DDX4: variants seen among roughly 807,000 people sequenced by gnomAD.
The protein encoded by DDX4 is probable ATP-dependent RNA helicase DDX4.
Under a neutral mutation model 100.0 loss-of-function variants are expected in DDX4, and 25 were observed. The ratio of observed to expected loss-of-function variants is 0.25; its 90% CI spans 0.18 to 0.35. The LOEUF is 0.35. Ranked by LOEUF, DDX4 falls within the 10% of genes least tolerant of loss-of-function variation. The probability of loss-of-function intolerance (pLI) is 1.00; values close to 1 mark genes in which losing one functional copy is unlikely to be tolerated. For missense variants in DDX4, 635 were observed against 882.4 expected (o/e 0.72, Z 3.55); for synonymous variants, 259 against 275.7 (o/e 0.94, Z 0.60).
intron 18 of DDX4, among the ~76,000 whole-genome samples, chr5:55,808,624 G>A (rs1743907894): frequency 6.6e-6 from 1 of 152,234 alleles, no homozygotes; most frequent in Non-Finnish European, 1.5e-5. Flanking sequence ...GGAGGCTGCA[G>A]AACAGCAGAT....
At chr5:55,797,636 G>A (rs1219504774) in intron 17 of DDX4, among the ~76,000 whole-genome samples, 1 of 152,128 alleles carries the variant, frequency 6.6e-6, no homozygotes, top group African/African-American at 2.4e-5. Flanking sequence ...TACATAGGAG[G>A]GAGAGGCATT....
chr5:55,774,230 C>T (rs907784826), intron 7 of DDX4, among the ~76,000 whole-genome samples: 1 of 151,650 alleles, frequency 6.6e-6, no homozygotes, highest in Non-Finnish European at 1.5e-5. Context: ...TGGTTCATGA[C>T]AGCTTCAACT....
At chr5:55,792,962 A>G (rs990448084) in intron 17 of DDX4, among the ~76,000 whole-genome samples, 155 bp downstream of exon 17, 1 of 151,162 alleles carries the variant, frequency 6.6e-6, no homozygotes, top group African/African-American at 2.4e-5. Context: ...CGTTTGCCAC[A>G]TTTTCCATTG....
intron 12 of DDX4, 66 bp downstream of exon 12, chr5:55,785,560 C>A: frequency 7.2e-7 from 1 of 1,387,890 alleles, no homozygotes; most frequent in Non-Finnish European, 1.0e-6. Flanking sequence ...AAGTATTTTA[C>A]TTAAAAACAA....
In DDX4 at chr5:55,779,904, G is replaced by A. The variant is rs897948682; in HGVS notation, c.395-60G>A. 9.6e-6 allele frequency: 15 copies of A among 1,559,670 alleles called. No individual in the cohort carries two copies. In the Admixed American group the frequency reaches 2.7e-4, roughly 28 times the overall value. On this transcript the variant is annotated intron_variant, in intron 7 of 21. Coordinates refer to ENST00000505374, the MANE Select transcript of DDX4 (RefSeq NM_024415.3). ...CAAGGCTTAAATTAAATTTGACCAT[G>A]TCCCCAAGATTTCTTTGTTGTTGTT... is the stretch of plus-strand genomic sequence containing the variant.
At chr5:55,765,616 G>A (rs900491779) in intron 6 of DDX4, among the ~76,000 whole-genome samples, 9 of 151,906 alleles carry the variant, frequency 5.9e-5, no homozygotes, top group South Asian at 2.1e-4. Context: ...ATTTGAACAC[G>A]TAGGTGTGAG....
At chr5:55,792,277 A>G (rs1278132431) in intron 16 of DDX4, among the ~76,000 whole-genome samples, 4 of 152,018 alleles carry the variant, frequency 2.6e-5, no homozygotes, top group Non-Finnish European at 5.9e-5. Flanking sequence ...AATATACAGT[A>G]ATATTATCTA....
intron 4 of DDX4, among the ~76,000 whole-genome samples, chr5:55,761,613 T>C (rs1561487472): frequency 6.6e-6 from 1 of 151,948 alleles, no homozygotes; most frequent in Non-Finnish European, 1.5e-5. Context: ...CTTTTTTTTT[T>C]CTTTTTCTTT....
intron 7 of DDX4, among the ~76,000 whole-genome samples, chr5:55,769,579 A>G (rs1256737732): frequency 1.3e-5 from 2 of 152,212 alleles, no homozygotes; most frequent in African/African-American, 2.4e-5. Flanking sequence ...CCTATCCACT[A>G]TATTGTTAAA....
chr5:55,793,067 GT>G lies in DDX4; in HGVS notation c.1469+262del, dbSNP rs767730771. 1.6e-3 allele frequency among the ~76,000 whole-genome samples: 239 copies of G among 146,982 alleles called. 1 individual carries two copies. Among genetic ancestry groups the G allele is most frequent in the South Asian group, 6.2e-3 (29 of 4,660 alleles). On this transcript the variant is annotated intron_variant, in intron 17 of 21. Coordinates refer to ENST00000505374, the MANE Select transcript of DDX4 (RefSeq NM_024415.3). ...GTGTGTGTGTGTGTTTGTGTGTGTTGTTGTTGTTGTTGCATAGAATCCAGCT... is the reference window on the plus strand; with the variant it reads ...GTGTGTGTGTGTGTTTGTGTGTGTTGTGTTGTTGTTGCATAGAATCCAGCT...
chr5:55,787,446 A>G (rs1167449607), intron 14 of DDX4, among the ~76,000 whole-genome samples: 9 of 152,196 alleles, frequency 5.9e-5, no homozygotes, highest in Non-Finnish European at 1.3e-4. Flanking sequence ...TCTGTGGGCC[A>G]CTTTTGTCAT....
intron 5 of DDX4, 128 bp from the exon 6 acceptor site, chr5:55,763,886 G>A: frequency 4.7e-6 from 3 of 633,552 alleles, no homozygotes; most frequent in East Asian, 2.7e-5. Context: ...GAGTGAATTT[G>A]CATGTGATAG....
chr5:55,801,049 C>T (rs886582145), intron 18 of DDX4, among the ~76,000 whole-genome samples: 1 of 151,932 alleles, frequency 6.6e-6, no homozygotes, highest in Admixed American at 6.6e-5. Flanking sequence ...CGAAAGGAAC[C>T]AGTAAGATGT....
intron 18 of DDX4, among the ~76,000 whole-genome samples, chr5:55,809,896 T>G (rs1580610981): frequency 6.6e-6 from 1 of 152,284 alleles, no homozygotes; most frequent in East Asian, 1.9e-4. Flanking sequence ...GCAGCATACC[T>G]TCAAGACTTT....
intron 7 of DDX4, among the ~76,000 whole-genome samples, chr5:55,776,056 G>A (rs1283696336): frequency 6.6e-6 from 1 of 152,152 alleles, no homozygotes; most frequent in Non-Finnish European, 1.5e-5. Flanking sequence ...GGAGGTGGAG[G>A]TTGCAGTGAG....
At chr5:55,804,947 A>C (rs1268848824) in intron 18 of DDX4, among the ~76,000 whole-genome samples, 1 of 151,490 alleles carries the variant, frequency 6.6e-6, no homozygotes, top group Non-Finnish European at 1.5e-5. Context: ...GATTCTTCCT[A>C]CCCATGAGCA....
chr5:55,769,495 A>G (rs1580546526), intron 7 of DDX4, among the ~76,000 whole-genome samples: 1 of 152,124 alleles, frequency 6.6e-6, no homozygotes, highest in Non-Finnish European at 1.5e-5. Context: ...CTCTGCCCCA[A>G]AGTTCCTTGA....
chr5:55,805,041 C>G (rs75129905), intron 18 of DDX4, among the ~76,000 whole-genome samples: 1 of 152,114 alleles, frequency 6.6e-6, no homozygotes, highest in African/African-American at 2.4e-5. Context: ...TCCTTCACAT[C>G]CCTTGTAAGA....
At chr5:55,762,971 A>G (rs1409773329) in intron 4 of DDX4, among the ~76,000 whole-genome samples, 1 of 152,112 alleles carries the variant, frequency 6.6e-6, no homozygotes, top group Non-Finnish European at 1.5e-5. Flanking sequence ...TTTCACCGGT[A>G]GTAGATTTGT....
Sources: gnomAD v4.1 joint callset for allele counts (sites outside exome capture counted in the v4.1 genomes callset) on GRCh38, gnomAD v4.1.1 for gene constraint, MANE v1.5 for transcripts, NCBI Gene and HGNC (gene_info 2026-07-23, HGNC 2026-07-21) for gene names.